ST6GALNAC3: variants seen among roughly 807,000 people sequenced by gnomAD.
ST6GALNAC3 encodes the protein alpha-N-acetylgalactosaminide alpha-2,6-sialyltransferase 3.
Under a neutral mutation model 32.7 loss-of-function variants are expected in ST6GALNAC3, and 25 were observed. The observed-to-expected ratio is 0.76, with a 90% confidence interval of 0.56 to 1.07. ST6GALNAC3 has a LOEUF of 1.07. ST6GALNAC3 is among the 50% of genes least tolerant of loss of function. The pLI is 0.00. For synonymous variants in ST6GALNAC3, 129 were observed against 133.1 expected (o/e 0.97, Z 0.21); for missense variants, 355 against 382.4 (o/e 0.93, Z 0.60).
intron 1 of ST6GALNAC3, among the ~76,000 whole-genome samples, chr1:76,119,325 C>T (rs1648702111): frequency 6.6e-6 from 1 of 152,198 alleles, no homozygotes; most frequent in Non-Finnish European, 1.5e-5. Flanking sequence ...CTTTGGAATT[C>T]CTCGTGAATA....
intron 1 of ST6GALNAC3, among the ~76,000 whole-genome samples, chr1:76,219,646 A>C (rs1655659686): frequency 6.6e-6 from 1 of 152,210 alleles, no homozygotes; most frequent in Non-Finnish European, 1.5e-5. Flanking sequence ...TTGGCCATAC[A>C]TCACTAAAAG....
chr1:76,497,136 G>A (rs1222132063), intron 3 of ST6GALNAC3, among the ~76,000 whole-genome samples: 1 of 152,158 alleles, frequency 6.6e-6, no homozygotes, highest in African/African-American at 2.4e-5. Flanking sequence ...GGAATTCTCT[G>A]TGGAAGGGGT....
At chr1:76,359,130 T>A (rs571647118) in intron 2 of ST6GALNAC3, among the ~76,000 whole-genome samples, 2 of 152,310 alleles carry the variant, frequency 1.3e-5, no homozygotes, top group South Asian at 4.1e-4. Context: ...AAGCACTTAG[T>A]AAACCATGTT....
At chr1:76,353,942 T>C in intron 2 of ST6GALNAC3, 1 of 181,796 alleles carries the variant, frequency 5.5e-6, no homozygotes, top group Admixed American at 5.4e-5. Context: ...GCCCCAGGGA[T>C]TCTAAACAGC....
At chr1:76,299,300 C>A (rs186487101) in intron 1 of ST6GALNAC3, among the ~76,000 whole-genome samples, 4 of 151,936 alleles carry the variant, frequency 2.6e-5, no homozygotes, top group African/African-American at 9.7e-5. Context: ...CTTGATCAGG[C>A]ATACGAAATA....
intron 1 of ST6GALNAC3, among the ~76,000 whole-genome samples, chr1:76,247,412 G>C (rs112117611): frequency 9.9e-5 from 15 of 152,262 alleles, no homozygotes; most frequent in African/African-American, 3.6e-4. Context: ...CAGAAACTGC[G>C]GACTTAACCA....
intron 3 of ST6GALNAC3, among the ~76,000 whole-genome samples, chr1:76,484,818 T>G (rs1236132123): frequency 6.6e-6 from 1 of 152,214 alleles, no homozygotes; most frequent in African/African-American, 2.4e-5. Flanking sequence ...AAGGGAATGC[T>G]TCCAGTTTTT....
chr1:76,194,509 G>T (rs1046376016), intron 1 of ST6GALNAC3, among the ~76,000 whole-genome samples: 1 of 151,814 alleles, frequency 6.6e-6, no homozygotes, highest in Non-Finnish European at 1.5e-5. Flanking sequence ...CCCATTACAT[G>T]TTAATACAAA....
At chr1:76,468,333 A>G (rs1311886177) in intron 3 of ST6GALNAC3, among the ~76,000 whole-genome samples, 1 of 152,082 alleles carries the variant, frequency 6.6e-6, no homozygotes, top group Non-Finnish European at 1.5e-5. Flanking sequence ...TTAAGTAGCT[A>G]CTTGGGACAC....
chr1:76,327,053 A>G (rs566279923), intron 2 of ST6GALNAC3, among the ~76,000 whole-genome samples: 1 of 152,138 alleles, frequency 6.6e-6, no homozygotes, highest in Non-Finnish European at 1.5e-5. Context: ...AAATGTTTTT[A>G]AAATTATTTT....
At chr1:76,570,295 G>T (rs1665785403) in intron 3 of ST6GALNAC3, among the ~76,000 whole-genome samples, 1 of 152,064 alleles carries the variant, frequency 6.6e-6, no homozygotes, top group African/African-American at 2.4e-5. Flanking sequence ...CAGTGCTTTG[G>T]ATATTCTGCC....
intron 2 of ST6GALNAC3, among the ~76,000 whole-genome samples, chr1:76,366,317 T>C (rs536325235): frequency 2.9e-4 from 44 of 152,322 alleles, no homozygotes; most frequent in Non-Finnish European, 5.3e-4. Context: ...TCTACCTTTT[T>C]TCCTGGCTCT....
At chr1:76,216,559 A>G (rs1238744771) in intron 1 of ST6GALNAC3, among the ~76,000 whole-genome samples, 1 of 152,222 alleles carries the variant, frequency 6.6e-6, no homozygotes, top group Non-Finnish European at 1.5e-5. Context: ...TCTTTGAAGG[A>G]TGAATCCAAT....
chr1:76,505,155 G>C (rs556253884), intron 3 of ST6GALNAC3, among the ~76,000 whole-genome samples: 2 of 150,052 alleles, frequency 1.3e-5, no homozygotes, highest in Admixed American at 6.6e-5. Flanking sequence ...ACAGAGTCTC[G>C]CTCTGTCACC....
chr1:76,120,854 A>T (rs1184081696), intron 1 of ST6GALNAC3, among the ~76,000 whole-genome samples: 1 of 152,178 alleles, frequency 6.6e-6, no homozygotes, highest in Non-Finnish European at 1.5e-5. Context: ...TTATGATTTC[A>T]CACTTCTGGA....
chr1:76,114,086 A>C (rs1049830366), intron 1 of ST6GALNAC3, among the ~76,000 whole-genome samples: 12 of 145,042 alleles, frequency 8.3e-5, no homozygotes, highest in African/African-American at 2.6e-4. Context: ...CAGGTGATCC[A>C]CCCGCCTCGG....
chr1:76,576,018 T>C (rs1646799794), intron 3 of ST6GALNAC3, among the ~76,000 whole-genome samples: 1 of 151,938 alleles, frequency 6.6e-6, no homozygotes. Context: ...CGGCACCCCA[T>C]ATATCATCAT....
At chr1:76,263,901 G>A (rs1461600715) in intron 1 of ST6GALNAC3, among the ~76,000 whole-genome samples, 1 of 152,148 alleles carries the variant, frequency 6.6e-6, no homozygotes, top group Non-Finnish European at 1.5e-5. Flanking sequence ...GGTCAAGGTA[G>A]GAAGAGGTTT....
At chr1:76,321,597 A>C (rs1042220942) in intron 2 of ST6GALNAC3, among the ~76,000 whole-genome samples, 17 of 152,208 alleles carry the variant, frequency 1.1e-4, no homozygotes, top group African/African-American at 4.1e-4. Flanking sequence ...GGAGAGGAGT[A>C]GTCTTTCCAA....
Sources: allele counts gnomAD v4.1 joint callset (sites outside exome capture counted in the v4.1 genomes callset), GRCh38; gene constraint gnomAD v4.1.1; transcripts MANE v1.5; gene names NCBI Gene and HGNC (gene_info 2026-07-23, HGNC 2026-07-21).